The following LEF1 variants were observed in gnomAD, a reference collection of about 807,000 sequenced individuals.
LEF1 encodes lymphoid enhancer-binding factor 1.
LEF1 carries 14 observed loss-of-function variants against 51.2 expected under a neutral mutation model. The observed-to-expected ratio is 0.27, with a 90% CI of 0.18 to 0.43. LEF1 has a LOEUF of 0.43. Ranked by LOEUF, LEF1 falls within the 20% of genes least tolerant of loss-of-function variation. LEF1 has a pLI of 1.00. For synonymous variants in LEF1, 185 were observed against 183.2 expected, an observed-to-expected ratio of 1.01 and a Z score of -0.08; for missense variants, 386 against 512.0, an observed-to-expected ratio of 0.75 and a Z score of 2.37.
At position 108,168,645 on chromosome 4, in the gene LEF1, G is replaced by A. The variant is rs939880321; in HGVS notation, c.-878C>T. On this transcript the variant is annotated 5_prime_UTR_variant, in exon 1 of 12. Coordinates refer to ENST00000265165, the MANE Select transcript of LEF1 (RefSeq NM_016269.5). The surrounding 1 kb of genome is among the most constrained non-coding windows in gnomAD (Gnocchi z 4.6). ...CCTCGGGCCCAAATGCCTCTGCCCGGAGCTCGAGCCGACACACACACTCAG... is the reference window on the plus strand; with the variant it reads ...CCTCGGGCCCAAATGCCTCTGCCCGAAGCTCGAGCCGACACACACACTCAG... 12 of 152,248 alleles carry A rather than the reference G, an allele frequency of 7.9e-5. No homozygotes were observed. Among genetic ancestry groups the A allele is most frequent in the African/African-American group, 2.7e-4 (11 of 41,438 alleles). 9.4% of individuals were successfully genotyped at this position (152,248 alleles called of 1,614,324 possible).
At chr4:108,119,773 G>A (rs1423461518) in intron 3 of LEF1, among the ~76,000 whole-genome samples, 1 of 152,042 alleles carries the variant, frequency 6.6e-6, no homozygotes, top group Non-Finnish European at 1.5e-5. Flanking sequence ...CCAACTTTTG[G>A]TTTCAGCATC....
At chr4:108,084,053 A>T (rs751904833) in intron 4 of LEF1, among the ~76,000 whole-genome samples, 5 of 152,210 alleles carry the variant, frequency 3.3e-5, no homozygotes, top group Non-Finnish European at 7.3e-5. Flanking sequence ...GCTGTTCTGG[A>T]TTAGCTGAAT....
intron 3 of LEF1, among the ~76,000 whole-genome samples, chr4:108,093,920 G>C (rs1030213100): frequency 6.6e-6 from 1 of 152,142 alleles, no homozygotes; most frequent in Non-Finnish European, 1.5e-5. Flanking sequence ...CTTACTGTGT[G>C]CTAAGCACTT....
At chr4:108,091,282 A>G (rs948637120) in intron 3 of LEF1, among the ~76,000 whole-genome samples, 2 of 152,124 alleles carry the variant, frequency 1.3e-5, no homozygotes, top group Non-Finnish European at 2.9e-5. Flanking sequence ...ACATACACTA[A>G]TTTTGAACTT....
chr4:108,157,179 TACAC>T lies in LEF1; in HGVS notation c.414+6385_414+6388del, dbSNP rs59867246. Among the ~76,000 whole-genome samples the T allele has an allele frequency of 3.5e-3, 404 of 116,776 alleles. 2 individuals are homozygous for T. The highest frequency in any genetic ancestry group is 0.01 in the African/African-American group (307 of 30,656). The allele number at this position is 116,776 out of a possible 152,430, so 76.6% of individuals were successfully genotyped here. A position where few individuals can be genotyped will look rare whatever the true frequency, so the allele number is the denominator to read the frequency against. On this transcript the variant is annotated intron_variant, in intron 3 of 11. Coordinates refer to ENST00000265165, the MANE Select transcript of LEF1 (RefSeq NM_016269.5). The stretch of plus-strand genomic sequence containing the variant: ...CTCTCTCTCTCTCTCTATATATATA[TACAC>T]ACACACACACACACACACACACACA...
At chr4:108,083,755 G>T (rs1400416026) in intron 4 of LEF1, among the ~76,000 whole-genome samples, 1 of 152,116 alleles carries the variant, frequency 6.6e-6, no homozygotes, top group African/African-American at 2.4e-5. Context: ...TTAAGAAAAT[G>T]GTAGACAATT....
intron 3 of LEF1, among the ~76,000 whole-genome samples, chr4:108,155,775 G>T (rs879059300): frequency 6.6e-6 from 1 of 152,138 alleles, no homozygotes; most frequent in Non-Finnish European, 1.5e-5. Context: ...ATGGAGACCC[G>T]ACATTAGATC....
chr4:108,124,116 T>C (rs1469535261), intron 3 of LEF1, among the ~76,000 whole-genome samples: 1 of 152,102 alleles, frequency 6.6e-6, no homozygotes, highest in African/African-American at 2.4e-5. Context: ...CTCCAGCCTG[T>C]GGAACAGAGA....
intron 3 of LEF1, among the ~76,000 whole-genome samples, chr4:108,094,957 G>C (rs1371522805): frequency 6.6e-6 from 1 of 152,148 alleles, no homozygotes. Context: ...CAGAAAGAGA[G>C]GCAGATTTAC....
chr4:108,058,580 C>T (rs2126260410), intron 11 of LEF1, among the ~76,000 whole-genome samples: 2 of 152,318 alleles, frequency 1.3e-5, no homozygotes, highest in East Asian at 3.9e-4. Flanking sequence ...AATTCCGCCA[C>T]CAACCTGACA....
intron 11 of LEF1, among the ~76,000 whole-genome samples, chr4:108,050,815 C>T (rs1252671939): frequency 6.6e-6 from 1 of 152,084 alleles, no homozygotes; most frequent in Non-Finnish European, 1.5e-5. Flanking sequence ...GGCCATCCCA[C>T]CACTGCCTGG....
At chr4:108,069,444 A>G (rs758922654) in intron 9 of LEF1, among the ~76,000 whole-genome samples, 9 of 152,250 alleles carry the variant, frequency 5.9e-5, no homozygotes, top group South Asian at 2.1e-4. Flanking sequence ...AATTGGCACT[A>G]TAAGTGAGGT....
chr4:108,136,636 A>G lies in LEF1; in HGVS notation c.414+26932T>C, dbSNP rs952269872. ...GCAGACCTAGAGTTACGATTCACACATTGTATAAAACATGCTATTGTAATT... is the reference window on the plus strand; with the variant it reads ...GCAGACCTAGAGTTACGATTCACACGTTGTATAAAACATGCTATTGTAATT... On this transcript the variant is annotated intron_variant, in intron 3 of 11. Transcript: ENST00000265165. Among the ~76,000 whole-genome samples, 16 of 152,244 alleles carry G rather than the reference A, an allele frequency of 1.1e-4. No individual in the cohort carries two copies. In the Middle Eastern group the frequency reaches 0.017, roughly 163 times the overall value.
chr4:108,070,510 C>T, intron 9 of LEF1, 153 bp downstream of exon 9: 1 of 468,244 alleles, frequency 2.1e-6, no homozygotes, highest in Non-Finnish European at 3.9e-6. Flanking sequence ...TTTCATAATG[C>T]AATATATCCA....
At chr4:108,156,718 T>C (rs1744723765) in intron 3 of LEF1, among the ~76,000 whole-genome samples, 1 of 152,150 alleles carries the variant, frequency 6.6e-6, no homozygotes, top group South Asian at 2.1e-4. Flanking sequence ...TAATTTTTAT[T>C]GTAAGGTTTC....
At chr4:108,142,162 T>C (rs1184152430) in intron 3 of LEF1, among the ~76,000 whole-genome samples, 3 of 152,230 alleles carry the variant, frequency 2.0e-5, no homozygotes, top group African/African-American at 7.2e-5. Context: ...AGACACCTGA[T>C]GCAAGGTGAA....
intron 3 of LEF1, among the ~76,000 whole-genome samples, chr4:108,157,304 G>A (rs915436775): frequency 6.6e-6 from 1 of 151,840 alleles, no homozygotes; most frequent in Non-Finnish European, 1.5e-5. Flanking sequence ...GGGTTCAAGA[G>A]ATTCTCCTGC....
intron 9 of LEF1, among the ~76,000 whole-genome samples, chr4:108,068,255 G>A (rs982441289): frequency 4.6e-5 from 7 of 151,900 alleles, no homozygotes; most frequent in African/African-American, 1.5e-4. Context: ...CAACAAGAGC[G>A]AATCTCTGTC....
chr4:108,164,928 TA>T (rs1443203048), intron 2 of LEF1, among the ~76,000 whole-genome samples, 168 bp downstream of exon 2: 8 of 152,158 alleles, frequency 5.3e-5, no homozygotes, highest in Admixed American at 6.5e-5. Flanking sequence ...TTATGTAATA[TA>T]TATTAGAGGT....
Sources: allele counts gnomAD v4.1 joint callset (sites outside exome capture counted in the v4.1 genomes callset), GRCh38; gene constraint gnomAD v4.1.1; non-coding constraint Gnocchi (gnomAD v3.1); transcripts MANE v1.5; gene names NCBI Gene and HGNC (gene_info 2026-07-23, HGNC 2026-07-21).